ANKRD16: variants seen among roughly 807,000 people sequenced by gnomAD.
ANKRD16 encodes the protein ankyrin repeat domain-containing protein 16.
ANKRD16 carries 35 observed loss-of-function variants against 37.9 expected under a neutral mutation model. That is an observed-to-expected ratio of 0.92 (90% CI 0.71 to 1.23). ANKRD16 has a LOEUF of 1.23. Ranked by LOEUF, ANKRD16 falls within the 50% of genes most tolerant of loss-of-function variation. The probability of loss-of-function intolerance (pLI) is 0.00; values close to 1 mark genes in which losing one functional copy is unlikely to be tolerated. For synonymous variants in ANKRD16, 206 were observed against 197.2 expected (o/e 1.04, Z -0.37); for missense variants, 480 against 469.9 (o/e 1.02, Z -0.20).
rs12359473 is a variant in ANKRD16, at chr10:5,865,641, T to C, written c.*34-2950A>G. Among the ~76,000 whole-genome samples the C allele has an allele frequency of 0.02, 3,088 of 152,324 alleles. 47 individuals carry two copies. Among genetic ancestry groups the C allele is most frequent in the Non-Finnish European group, 0.032 (2,201 of 68,022 alleles). On this transcript the variant is annotated intron_variant, in intron 7 of 7. Coordinates refer to ENST00000380094, the MANE Select transcript of ANKRD16 (RefSeq NM_019046.3). The surrounding 1 kb of genome is among the most constrained non-coding windows in gnomAD (Gnocchi z 4.7). ...CAGGTATTTCTCCCACCTCCTCAGT[T>C]GTAATTCGGATGCTTTGCTCTTTTC...
intron 7 of ANKRD16, among the ~76,000 whole-genome samples, chr10:5,873,426 G>A (rs766349086): frequency 5.3e-5 from 8 of 152,134 alleles, no homozygotes; most frequent in East Asian, 1.9e-4. Flanking sequence ...TGCCCGCCTC[G>A]GCCTCCCAAA....
At chr10:5,888,938 G>A (rs1170075096) in intron 1 of ANKRD16, 103 bp downstream of exon 1, 25 of 1,277,668 alleles carry the variant, frequency 2.0e-5, no homozygotes, top group Non-Finnish European at 2.6e-5. Flanking sequence ...AGAACTAGGA[G>A]CTGAGAACAG....
chr10:5,882,794 G>A (rs7087865), intron 5 of ANKRD16: 9,325 of 467,398 alleles, frequency 0.02, 702 homozygotes, highest in African/African-American at 0.16. Flanking sequence ...GGAGTAAAAG[G>A]CTTTTTTTTA....
rs1842160077 is a variant in ANKRD16 at position 5,874,845 on chromosome 10, T to C, written c.*33+3252A>G. Among the ~76,000 whole-genome samples the C allele has an allele frequency of 6.6e-6, 1 of 152,042 alleles. No individual in the cohort carries two copies. Among genetic ancestry groups the C allele is most frequent in the Non-Finnish European group, 1.5e-5 (1 of 68,032 alleles). On this transcript the variant is annotated intron_variant, in intron 7 of 7. Coordinates refer to ENST00000380094, the MANE Select transcript of ANKRD16 (RefSeq NM_019046.3). The surrounding 1 kb of genome is among the most constrained non-coding windows in gnomAD (Gnocchi z 4.7). ...AGGAGAAAATCCAGAATGACGGAGA[T>C]GCTGGAGACAGAAGCTGGTACGCAT...
Position 5,880,920 on chromosome 10 carries a change from T to A in ANKRD16, c.850-544A>T, listed in dbSNP as rs1842289581. Among the ~76,000 whole-genome samples the A allele has an allele frequency of 2.0e-5, 3 of 151,950 alleles. No individual in the cohort carries two copies. The South Asian group carries it at 6.2e-4, about 31-fold the overall frequency. ...ATATTAGGCACCTTTTCTAAAACAG[T>A]CGACTGCTAAAAGTGAATTTTCATC... On this transcript the variant is annotated intron_variant, in intron 5 of 7. Transcript: ENST00000380094.
In ANKRD16 at chr10:5,864,852, C is replaced by A. The variant is rs1049881873; in HGVS notation, c.*34-2161G>T. Among the ~76,000 whole-genome samples, 1 of 152,162 alleles carries A rather than the reference C, an allele frequency of 6.6e-6. No homozygotes were observed. On this transcript the variant is annotated intron_variant, in intron 7 of 7. Transcript: ENST00000380094. This position sits in a 1 kb window ranked among gnomAD's most constrained non-coding sequence, Gnocchi z 4.4. ...CATAACTCAGGGAAAGGAAGAAAATCCTTCTGCCTTCCTCGAGCGGCTACG... is the reference window on the plus strand; with the variant it reads ...CATAACTCAGGGAAAGGAAGAAAATACTTCTGCCTTCCTCGAGCGGCTACG...
chr10:5,884,956 C>G (rs147899504), intron 3 of ANKRD16, among the ~76,000 whole-genome samples: 1 of 152,244 alleles, frequency 6.6e-6, no homozygotes, highest in African/African-American at 2.4e-5. Flanking sequence ...TCCTTCAGGT[C>G]ACAGCTTAAA....
chr10:5,867,109 T>C (rs1029685335), intron 7 of ANKRD16, among the ~76,000 whole-genome samples: 1 of 152,248 alleles, frequency 6.6e-6, no homozygotes, highest in Non-Finnish European at 1.5e-5. Context: ...TGTTACCCTA[T>C]AACACTCCAA....
In ANKRD16 at chr10:5,889,027, C is replaced by T. The variant is rs771487143; in HGVS notation, c.314+14G>A. The stretch of plus-strand genomic sequence containing the variant: ...GTAGAGGGGAGGCGGGGTGTCTTTC[C>T]GCTCCACACCTACCAGTCGGCCTTC... On this transcript the variant is annotated intron_variant, in intron 1 of 7. Transcript: ENST00000380094. 2.0e-6 allele frequency: 3 copies of T among 1,498,970 alleles called. No individual in the cohort carries two copies. The highest frequency in any genetic ancestry group is 2.7e-6 in the Non-Finnish European group (3 of 1,129,620). 92.9% of individuals were successfully genotyped at this position (1,498,970 alleles called of 1,614,324 possible).
intron 5 of ANKRD16, 35 bp downstream of exon 5, chr10:5,882,971 G>A (rs1472714381): frequency 6.2e-7 from 1 of 1,603,732 alleles, no homozygotes; most frequent in South Asian, 1.1e-5. Flanking sequence ...GCAAGCCTCA[G>A]GGAAGCTCGG....
Position 5,885,736 on chromosome 10 carries a change from C to G in ANKRD16, c.565G>C (p.Val189Leu). The G allele has an allele frequency of 6.2e-7, 1 of 1,608,482 alleles. No homozygotes were observed. The highest frequency in any genetic ancestry group is 8.5e-7 in the Non-Finnish European group (1 of 1,178,570). The stretch of plus-strand genomic sequence containing the variant: ...TATTGTTCTTACCTCTTAAGAAGCA[C>G]CTTGACTGCCTCCAAATGGCCATGC... ...AMHGHLEAVK[V>L]LLKRCQYEPD... Residue 189 changes from valine (V) to leucine (L), a missense_variant, in exon 3 of 8, where the codon GTG becomes CTG. Coordinates refer to ENST00000380094, the MANE Select transcript of ANKRD16 (RefSeq NM_019046.3).
In ANKRD16 at chr10:5,889,031, C is replaced by T. The variant is rs1453437144; in HGVS notation, c.314+10G>A. On this transcript the variant is annotated intron_variant, in intron 1 of 7. Coordinates refer to ENST00000380094, the MANE Select transcript of ANKRD16 (RefSeq NM_019046.3). ...AGGGGAGGCGGGGTGTCTTTCCGCT[C>T]CACACCTACCAGTCGGCCTTCTTCA... 6.6e-7 allele frequency: 1 copy of T among 1,515,574 alleles called. No homozygotes were observed. The highest frequency in any genetic ancestry group is 2.4e-5 in the East Asian group (1 of 42,392). The allele number at this position is 1,515,574 out of a possible 1,614,324, so 93.9% of individuals were successfully genotyped here.
chr10:5,869,003 T>C lies in ANKRD16; in HGVS notation c.*34-6312A>G, dbSNP rs889942556. Among the ~76,000 whole-genome samples the C allele has an allele frequency of 2.0e-5, 3 of 152,176 alleles. No individual in the cohort carries two copies. Among genetic ancestry groups the C allele is most frequent in the African/African-American group, 7.2e-5 (3 of 41,438 alleles). The stretch of plus-strand genomic sequence containing the variant: ...AACTTTTGGACAAGTTTGTCCAACC[T>C]GTGGCCCAGGTGGCTTTGAATGTGG... On this transcript the variant is annotated intron_variant, in intron 7 of 7. Coordinates refer to ENST00000380094, the MANE Select transcript of ANKRD16 (RefSeq NM_019046.3). The surrounding 1 kb of genome is among the most constrained non-coding windows in gnomAD (Gnocchi z 4.0).
At position 5,879,616 on chromosome 10, in the gene ANKRD16, T is replaced by C. The variant is rs758620579; in HGVS notation, c.928+682A>G. Among the ~76,000 whole-genome samples the C allele has an allele frequency of 5.3e-5, 8 of 152,330 alleles. No individual in the cohort carries two copies. The South Asian group carries it at 1.0e-3, about 20-fold the overall frequency. The stretch of plus-strand genomic sequence containing the variant: ...TAAATAAAAAAAATCATAATGAATA[T>C]AGTTTCTAAATATACTCCAAAATGG... On this transcript the variant is annotated intron_variant, in intron 6 of 7. Transcript: ENST00000380094.
At chr10:5,875,376 G>A (rs1034750271) in intron 7 of ANKRD16, among the ~76,000 whole-genome samples, 3 of 152,128 alleles carry the variant, frequency 2.0e-5, no homozygotes, top group Non-Finnish European at 4.4e-5. Context: ...AGTCCAAGGA[G>A]CCTGCATACC....
rs1842050223 is a variant in ANKRD16, at chr10:5,868,757, C to T, written c.*34-6066G>A. Among the ~76,000 whole-genome samples the T allele has an allele frequency of 6.6e-6, 1 of 152,218 alleles. No individual in the cohort carries two copies. The highest frequency in any genetic ancestry group is 2.1e-4 in the South Asian group (1 of 4,834). ...CCCACGCCACCCTTAAGAGCTGTAA[C>T]ATTCACTGCGAGGGTCTGCGGCTTC... On this transcript the variant is annotated intron_variant, in intron 7 of 7. Coordinates refer to ENST00000380094, the MANE Select transcript of ANKRD16 (RefSeq NM_019046.3). The surrounding 1 kb of genome is among the most constrained non-coding windows in gnomAD (Gnocchi z 4.9).
In ANKRD16 at chr10:5,888,114, T is replaced by A. The variant is rs775209746; in HGVS notation, c.315-47A>T. The A allele has an allele frequency of 3.8e-6, 6 of 1,566,062 alleles. No homozygotes were observed. The South Asian group carries it at 5.6e-5, about 15-fold the overall frequency. On this transcript the variant is annotated intron_variant, in intron 1 of 7. Transcript: ENST00000380094. The stretch of plus-strand genomic sequence containing the variant: ...TGTCAGATGGAGGCAGCTGAGACAT[T>A]AGAAGCCAGGGGCCAGGTCTTCAAA...
At chr10:5,875,760 T>C (rs963869712) in intron 7 of ANKRD16, among the ~76,000 whole-genome samples, 12 of 151,130 alleles carry the variant, frequency 7.9e-5, no homozygotes, top group African/African-American at 2.9e-4. Flanking sequence ...TCACCCAGGC[T>C]GGAGTGCAGT....
intron 4 of ANKRD16, 78 bp downstream of exon 4, chr10:5,883,890 TA>T: frequency 7.8e-7 from 1 of 1,275,338 alleles, no homozygotes; most frequent in Non-Finnish European, 1.1e-6. Flanking sequence ...GGGATCTGAG[TA>T]ACAATGTGCT....
Sources: gnomAD v4.1 joint callset for allele counts (sites outside exome capture counted in the v4.1 genomes callset) on GRCh38, gnomAD v4.1.1 for gene constraint, Gnocchi (gnomAD v3.1) non-coding constraint, MANE v1.5 for transcripts, NCBI Gene and HGNC (gene_info 2026-07-23, HGNC 2026-07-21) for gene names.